Variants in SKAP1 observed in about 807,000 individuals in gnomAD.
SKAP1 encodes src kinase-associated phosphoprotein 1.
Under a neutral mutation model 58.5 loss-of-function variants are expected in SKAP1, and 44 were observed. That is an observed-to-expected ratio of 0.75 (90% CI 0.59 to 0.97). The LOEUF (loss-of-function observed/expected upper bound fraction) is 0.97, where lower values mean the gene tolerates loss of function less well. Among genes scored for constraint, SKAP1 ranks in the 50% least tolerant of loss-of-function variants. SKAP1 has a pLI of 0.00. For missense variants in SKAP1, 390 were observed against 435.2 expected (o/e 0.90, Z 0.92); for synonymous variants, 127 against 149.7 (o/e 0.85, Z 1.11).
chr17:48,348,569 C>T (rs1438230972), intron 3 of SKAP1, among the ~76,000 whole-genome samples: 1 of 152,092 alleles, frequency 6.6e-6, no homozygotes, highest in Non-Finnish European at 1.5e-5. Context: ...TGAGGTCTAT[C>T]TGCCAAAACC....
At chr17:48,140,759 CTTT>C (rs2063757033) in intron 11 of SKAP1, among the ~76,000 whole-genome samples, 1 of 148,412 alleles carries the variant, frequency 6.7e-6, no homozygotes, top group South Asian at 2.2e-4. Context: ...CCTTCTTCTT[CTTT>C]CTTCTTCTTC....
intron 2 of SKAP1, among the ~76,000 whole-genome samples, chr17:48,373,464 C>G (rs1226154306): frequency 6.6e-6 from 1 of 152,046 alleles, no homozygotes; most frequent in Non-Finnish European, 1.5e-5. Flanking sequence ...GTTCCAGAGC[C>G]CAAGCTCTTA....
At chr17:48,249,973 T>C (rs1464371553) in intron 4 of SKAP1, among the ~76,000 whole-genome samples, 1 of 151,794 alleles carries the variant, frequency 6.6e-6, no homozygotes, top group Non-Finnish European at 1.5e-5. Flanking sequence ...AGCTTGCTGG[T>C]TGGAGCTGTT....
chr17:48,402,708 A>G (rs1567900728), intron 1 of SKAP1, among the ~76,000 whole-genome samples: 1 of 152,246 alleles, frequency 6.6e-6, no homozygotes, highest in African/African-American at 2.4e-5. Context: ...GATAAAATGT[A>G]GCATACAATG....
At chr17:48,261,932 A>G (rs1218108822) in intron 4 of SKAP1, among the ~76,000 whole-genome samples, 1 of 152,202 alleles carries the variant, frequency 6.6e-6, no homozygotes, top group African/African-American at 2.4e-5. Context: ...CGTTGGATCA[A>G]TTTCATTCTT....
intron 11 of SKAP1, among the ~76,000 whole-genome samples, chr17:48,162,078 G>A (rs1477563789): frequency 1.3e-5 from 2 of 152,082 alleles, no homozygotes; most frequent in Admixed American, 1.3e-4. Flanking sequence ...CAATTCTCAT[G>A]CCTCAGCCTC....
chr17:48,352,963 T>C (rs1380856700), intron 3 of SKAP1, among the ~76,000 whole-genome samples: 4 of 152,200 alleles, frequency 2.6e-5, no homozygotes. Flanking sequence ...GACTTTATGG[T>C]ATATACTATC....
At chr17:48,179,775 G>GTTA (rs77362235) in intron 9 of SKAP1, among the ~76,000 whole-genome samples, 2 of 152,184 alleles carry the variant, frequency 1.3e-5, no homozygotes, top group East Asian at 3.8e-4. Flanking sequence ...AAAAACCAAC[G>GTTA]TAAGTATTGT....
intron 2 of SKAP1, among the ~76,000 whole-genome samples, chr17:48,391,478 T>C (rs1488440427): frequency 2.0e-5 from 3 of 152,180 alleles, no homozygotes; most frequent in Admixed American, 2.0e-4. Context: ...CAGCAATAAA[T>C]ACAACCTCTC....
At chr17:48,420,829 C>G (rs1313122549) in intron 1 of SKAP1, among the ~76,000 whole-genome samples, 2 of 152,142 alleles carry the variant, frequency 1.3e-5, no homozygotes, top group Non-Finnish European at 2.9e-5. Flanking sequence ...GAGGGAGTGT[C>G]CTGTGCATTG....
intron 1 of SKAP1, among the ~76,000 whole-genome samples, chr17:48,408,479 A>G (rs1003160407): frequency 6.6e-6 from 1 of 152,204 alleles, no homozygotes; most frequent in South Asian, 2.1e-4. Context: ...AAAAGCTACC[A>G]TAACCCTAGT....
At chr17:48,332,215 C>T (rs973994011) in intron 4 of SKAP1, among the ~76,000 whole-genome samples, 1 of 151,870 alleles carries the variant, frequency 6.6e-6, no homozygotes, top group African/African-American at 2.4e-5. Flanking sequence ...AACATTTATA[C>T]AAGAATAATC....
At chr17:48,138,890 A>AC (rs2063735157) in intron 11 of SKAP1, among the ~76,000 whole-genome samples, 1 of 136,710 alleles carries the variant, frequency 7.3e-6, no homozygotes, top group South Asian at 2.6e-4. Flanking sequence ...AGAATGAAAA[A>AC]AAAATTTTTT....
chr17:48,151,778 C>G lies in SKAP1; in HGVS notation c.978+10691G>C, dbSNP rs1044542239. On this transcript the variant is annotated intron_variant, in intron 11 of 12. Coordinates refer to ENST00000336915, the MANE Select transcript of SKAP1 (RefSeq NM_003726.4). ...CCCAAATACAGAATATTATCAGGAA[C>G]AGAGAAACTGCAGACTCTCTTTGCT... is the stretch of plus-strand genomic sequence containing the variant. Among the ~76,000 whole-genome samples the G allele has an allele frequency of 3.3e-5, 5 of 152,154 alleles. No homozygotes were observed. In the East Asian group the frequency reaches 9.6e-4, roughly 29 times the overall value.
At chr17:48,222,482 T>C (rs1567826718) in intron 4 of SKAP1, among the ~76,000 whole-genome samples, 1 of 152,006 alleles carries the variant, frequency 6.6e-6, no homozygotes, top group Non-Finnish European at 1.5e-5. Context: ...AAGAATTATA[T>C]ATATATTTTT....
chr17:48,140,873 A>T (rs1170742715), intron 11 of SKAP1, among the ~76,000 whole-genome samples: 8 of 147,572 alleles, frequency 5.4e-5, no homozygotes, highest in African/African-American at 1.8e-4. Context: ...CACGACCTAT[A>T]CCTCCCAGGT....
At chr17:48,334,156 A>G (rs2066538686) in intron 4 of SKAP1, among the ~76,000 whole-genome samples, 1 of 152,006 alleles carries the variant, frequency 6.6e-6, no homozygotes, top group Non-Finnish European at 1.5e-5. Flanking sequence ...ACACCTTCTT[A>G]TAGCTACACA....
chr17:48,444,395 A>G, the SKAP1 span, among the ~76,000 whole-genome samples: 1 of 152,230 alleles, frequency 6.6e-6, no homozygotes, highest in African/African-American at 2.4e-5. Context: ...GTCTCAAAAA[A>G]ACCCACAAAC....
rs755523173 is a variant in SKAP1, at chr17:48,250,272, G to GTTTT, written c.281-60776_281-60773dup. ...TACATATATTTTGCTGCCATAGACA[G>GTTTT]TTTTTTTTTTTTTTTTTTTTTTTTT... On this transcript the variant is annotated intron_variant, in intron 4 of 12. Coordinates refer to ENST00000336915, the MANE Select transcript of SKAP1 (RefSeq NM_003726.4). Among the ~76,000 whole-genome samples, 478 of 74,022 alleles carry GTTTT rather than the reference G, an allele frequency of 6.5e-3. 65 individuals carry two copies. Among genetic ancestry groups the GTTTT allele is most frequent in the African/African-American group, 0.025 (458 of 18,614 alleles). 48.6% of individuals were successfully genotyped at this position (74,022 alleles called of 152,430 possible).
Sources: allele counts gnomAD v4.1 joint callset (sites outside exome capture counted in the v4.1 genomes callset), GRCh38; gene constraint gnomAD v4.1.1; transcripts MANE v1.5; gene names NCBI Gene and HGNC (gene_info 2026-07-23, HGNC 2026-07-21).